EHMT1: variants seen among roughly 807,000 people sequenced by gnomAD.
EHMT1 encodes the protein histone-lysine N-methyltransferase EHMT1.
Under a neutral mutation model 147.2 loss-of-function variants are expected in EHMT1, and 15 were observed. That is an observed-to-expected ratio of 0.10 (90% CI 0.07 to 0.16). The LOEUF is 0.16. Among genes scored for constraint, EHMT1 ranks in the 10% least tolerant of loss-of-function variants. EHMT1 has a pLI of 1.00. For missense variants in EHMT1, 1,587 were observed against 1,772.4 expected (o/e 0.90, Z 1.88); for synonymous variants, 795 against 709.6 (o/e 1.12, Z -1.91).
chr9:137,646,810 G>A (rs898282178), intron 1 of EHMT1, among the ~76,000 whole-genome samples: 1 of 152,178 alleles, frequency 6.6e-6, no homozygotes, highest in African/African-American at 2.4e-5. Context: ...GGCTATTCAT[G>A]TTCAGCTTCT....
chr9:137,834,624 A>G (rs1956473755), intron 26 of EHMT1, 100 bp downstream of exon 26: 3 of 1,595,496 alleles, frequency 1.9e-6, no homozygotes, highest in Non-Finnish European at 1.7e-6. Flanking sequence ...GGTTTATGCT[A>G]GTGGTTTTCC....
At chr9:137,801,919 G>A (rs1007565060) in intron 18 of EHMT1, among the ~76,000 whole-genome samples, 16 of 152,180 alleles carry the variant, frequency 1.1e-4, no homozygotes, top group Admixed American at 8.5e-4. Flanking sequence ...GAGCCACCAC[G>A]CCTGGCCCCT....
At chr9:137,686,282 C>T (rs538357735) in intron 1 of EHMT1, among the ~76,000 whole-genome samples, 1 of 152,206 alleles carries the variant, frequency 6.6e-6, no homozygotes, top group East Asian at 1.9e-4. Flanking sequence ...AAATTGTTGC[C>T]TAACTCAAGG....
At chr9:137,834,672 C>A (rs1956477632) in intron 26 of EHMT1, 101 bp from the exon 27 acceptor site, 1 of 1,599,378 alleles carries the variant, frequency 6.3e-7, no homozygotes, top group Non-Finnish European at 8.5e-7. Flanking sequence ...TGCGGCACGG[C>A]AGATCGGGGT....
At chr9:137,634,053 T>G (rs972709249) in intron 1 of EHMT1, among the ~76,000 whole-genome samples, 1 of 152,186 alleles carries the variant, frequency 6.6e-6, no homozygotes, top group Non-Finnish European at 1.5e-5. Flanking sequence ...CTTCAAGTGA[T>G]CCACCTGCCT....
intron 23 of EHMT1, chr9:137,817,228 G>C (rs1268060238): frequency 1.6e-6 from 1 of 635,314 alleles, no homozygotes; most frequent in Non-Finnish European, 2.8e-6. Flanking sequence ...CGAGGTTGTG[G>C]GCTGGGGTGC....
intron 1 of EHMT1, among the ~76,000 whole-genome samples, chr9:137,649,778 C>CG (rs1845174715): frequency 1.3e-5 from 2 of 152,184 alleles, no homozygotes; most frequent in South Asian, 4.1e-4. Flanking sequence ...CTGGAGCCTT[C>CG]AGAGGGACCA....
chr9:137,790,627 G>A (rs1952453832), intron 15 of EHMT1, among the ~76,000 whole-genome samples: 2 of 152,184 alleles, frequency 1.3e-5, no homozygotes, highest in Admixed American at 1.3e-4. Flanking sequence ...AATTACCTTA[G>A]AAGTGGAATG....
chr9:137,800,377 A>G, intron 17 of EHMT1: 1 of 177,204 alleles, frequency 5.6e-6, no homozygotes, highest in Non-Finnish European at 1.2e-5. Flanking sequence ...TCCCACCCAC[A>G]GTTCCCAGCT....
chr9:137,752,229 G>A, intron 6 of EHMT1, 102 bp from the exon 7 acceptor site: 1 of 1,377,564 alleles, frequency 7.3e-7, no homozygotes, highest in Non-Finnish European at 1.0e-6. Flanking sequence ...TGCGGCCAGT[G>A]CCCGTTTCGA....
At chr9:137,642,603 A>C (rs1208731618) in intron 1 of EHMT1, among the ~76,000 whole-genome samples, 3 of 152,176 alleles carry the variant, frequency 2.0e-5, no homozygotes, top group African/African-American at 7.2e-5. Context: ...AATTTTTGAT[A>C]ATGTAGTTTG....
intron 12 of EHMT1, chr9:137,777,522 G>C (rs1951046997): frequency 3.1e-6 from 1 of 319,350 alleles, no homozygotes. Flanking sequence ...ATTTAAAAGA[G>C]ACTCAAATTG....
chr9:137,689,927 A>G (rs1779138433), intron 1 of EHMT1, among the ~76,000 whole-genome samples: 1 of 152,164 alleles, frequency 6.6e-6, no homozygotes, highest in Non-Finnish European at 1.5e-5. Context: ...AGACGCGTGG[A>G]GATGAGGCCG....
intron 1 of EHMT1, among the ~76,000 whole-genome samples, chr9:137,636,153 C>G (rs12337199): frequency 0.029 from 4,386 of 152,148 alleles, 233 homozygotes; most frequent in African/African-American, 0.099. Context: ...AACTCCTGAC[C>G]TCAGGATCCA....
intron 1 of EHMT1, among the ~76,000 whole-genome samples, chr9:137,647,738 G>A (rs150892363): frequency 9.9e-5 from 15 of 151,850 alleles, no homozygotes; most frequent in African/African-American, 2.7e-4. Flanking sequence ...GGCATTACAC[G>A]CGTGCGCCAC....
intron 1 of EHMT1, among the ~76,000 whole-genome samples, chr9:137,643,024 T>C (rs552915298): frequency 1.3e-5 from 2 of 151,494 alleles, no homozygotes; most frequent in Non-Finnish European, 2.9e-5. Context: ...GGACTATGGG[T>C]GCGTGCCACT....
At chr9:137,817,890 C>T (rs1955053962) in intron 24 of EHMT1, 170 bp from the exon 25 acceptor site, 1 of 699,966 alleles carries the variant, frequency 1.4e-6, no homozygotes, top group Non-Finnish European at 2.5e-6. Flanking sequence ...TCCTCCGGAC[C>T]CTCAGCTGAA....
chr9:137,771,755 C>T (rs892813203), intron 10 of EHMT1, among the ~76,000 whole-genome samples: 9 of 152,164 alleles, frequency 5.9e-5, no homozygotes, highest in Admixed American at 6.5e-5. Flanking sequence ...CATGCTTGCT[C>T]GGGCAGCGTC....
chr9:137,772,419 TAGTG>T (rs1950646721), intron 10 of EHMT1, among the ~76,000 whole-genome samples: 1 of 152,102 alleles, frequency 6.6e-6, no homozygotes, highest in South Asian at 2.1e-4. Flanking sequence ...GGAGAGTAGA[TAGTG>T]AGCTCTGTGG....
Sources: gnomAD v4.1 joint callset for allele counts (sites outside exome capture counted in the v4.1 genomes callset) on GRCh38, gnomAD v4.1.1 for gene constraint, MANE v1.5 for transcripts, NCBI Gene and HGNC (gene_info 2026-07-23, HGNC 2026-07-21) for gene names.